Variants in LHFPL2 observed in about 807,000 individuals in gnomAD.
LHFPL2 encodes LHFPL tetraspan subfamily member 2, also known as LHFPL tetraspan subfamily member 2 protein.
A neutral mutation model predicts 17.5 loss-of-function variants in LHFPL2; 7 were observed. The ratio of observed to expected loss-of-function variants is 0.40; its 90% CI spans 0.23 to 0.75. The LOEUF (loss-of-function observed/expected upper bound fraction) is 0.75. Ranked by LOEUF, LHFPL2 falls within the 30% of genes least tolerant of loss-of-function variation. The pLI, the probability that LHFPL2 is intolerant of heterozygous loss-of-function variation, is 0.37. For synonymous variants in LHFPL2, 134 were observed against 116.2 expected, an observed-to-expected ratio of 1.15 and a Z score of -0.99; for missense variants, 241 against 294.8, an observed-to-expected ratio of 0.82 and a Z score of 1.34.
intron 1 of LHFPL2, among the ~76,000 whole-genome samples, chr5:78,643,802 T>C (rs1745761928): frequency 6.6e-6 from 1 of 152,236 alleles, no homozygotes; most frequent in African/African-American, 2.4e-5. Flanking sequence ...GGCTCACGCC[T>C]GTAATCTCAG....
intron 2 of LHFPL2, among the ~76,000 whole-genome samples, chr5:78,582,123 G>T (rs1295386828): frequency 6.6e-6 from 1 of 152,204 alleles, no homozygotes; most frequent in Non-Finnish European, 1.5e-5. Context: ...ATTTCTGTGG[G>T]ATCAGTGGTG....
intron 3 of LHFPL2, among the ~76,000 whole-genome samples, chr5:78,540,914 C>T (rs1756093211): frequency 6.6e-6 from 1 of 152,138 alleles, no homozygotes; most frequent in African/African-American, 2.4e-5. Flanking sequence ...AACCAGGAAG[C>T]CCCAATGTCT....
chr5:78,576,535 G>C (rs1157597238), intron 2 of LHFPL2, among the ~76,000 whole-genome samples: 2 of 152,158 alleles, frequency 1.3e-5, no homozygotes, highest in African/African-American at 4.8e-5. Context: ...GGCAGTGGAG[G>C]GAGGGAAACT....
chr5:78,603,056 A>G (rs968699212), intron 2 of LHFPL2, among the ~76,000 whole-genome samples: 3 of 151,864 alleles, frequency 2.0e-5, no homozygotes, highest in Admixed American at 6.6e-5. Flanking sequence ...ACACCCAGCT[A>G]ATTTTTGTAT....
chr5:78,492,771 T>C (rs1026025870), intron 4 of LHFPL2, among the ~76,000 whole-genome samples: 8 of 152,246 alleles, frequency 5.3e-5, no homozygotes, highest in Non-Finnish European at 8.8e-5. Flanking sequence ...GGAAAGTCCA[T>C]GTGACAGAGT....
chr5:78,617,336 T>C (rs1744657591), intron 2 of LHFPL2, among the ~76,000 whole-genome samples: 1 of 152,172 alleles, frequency 6.6e-6, no homozygotes, highest in Non-Finnish European at 1.5e-5. Context: ...AGCCTAGAGT[T>C]CCTTAAAAGG....
At chr5:78,604,101 TATA>T (rs1744125763) in intron 2 of LHFPL2, among the ~76,000 whole-genome samples, 1 of 152,142 alleles carries the variant, frequency 6.6e-6, no homozygotes, top group Non-Finnish European at 1.5e-5. Context: ...AATGTAAAAT[TATA>T]ATAACACTAA....
chr5:78,645,567 C>T (rs1029151413), intron 1 of LHFPL2, among the ~76,000 whole-genome samples: 3 of 151,432 alleles, frequency 2.0e-5, no homozygotes, highest in Admixed American at 6.6e-5. Context: ...CACACACACA[C>T]ACACACACAC....
chr5:78,628,703 C>T (rs1173866582), intron 2 of LHFPL2, among the ~76,000 whole-genome samples: 1 of 152,210 alleles, frequency 6.6e-6, no homozygotes, highest in Non-Finnish European at 1.5e-5. Flanking sequence ...GCACTTTGAA[C>T]CCGGGAACAA....
At chr5:78,493,237 G>A (rs1050357552) in intron 4 of LHFPL2, among the ~76,000 whole-genome samples, 3 of 152,188 alleles carry the variant, frequency 2.0e-5, no homozygotes, top group African/African-American at 7.2e-5. Flanking sequence ...GAGGTCCACA[G>A]TGGGAAGCAA....
intron 2 of LHFPL2, among the ~76,000 whole-genome samples, chr5:78,611,649 C>T (rs1744426022): frequency 6.6e-6 from 1 of 152,148 alleles, no homozygotes; most frequent in African/African-American, 2.4e-5. Flanking sequence ...TGACACCAGC[C>T]TAGGGAGTCT....
intron 2 of LHFPL2, among the ~76,000 whole-genome samples, chr5:78,606,985 C>G (rs373608412): frequency 1.3e-5 from 2 of 151,986 alleles, no homozygotes; most frequent in East Asian, 1.9e-4. Flanking sequence ...AGCCATCCCC[C>G]CTTGCAAGTC....
chr5:78,497,911 C>G (rs2112299486), intron 4 of LHFPL2, among the ~76,000 whole-genome samples: 1 of 152,346 alleles, frequency 6.6e-6, no homozygotes, highest in Admixed American at 6.5e-5. Flanking sequence ...CAGCCTGAGT[C>G]TAGGCTCAGA....
intron 2 of LHFPL2, among the ~76,000 whole-genome samples, chr5:78,587,469 C>T (rs972212915): frequency 3.9e-5 from 6 of 152,218 alleles, no homozygotes; most frequent in Admixed American, 3.9e-4. Flanking sequence ...GCATCCCACA[C>T]CTCCTGGACA....
intron 2 of LHFPL2, among the ~76,000 whole-genome samples, chr5:78,604,739 G>A (rs1440250133): frequency 3.3e-5 from 5 of 152,136 alleles, no homozygotes; most frequent in South Asian, 2.1e-4. Flanking sequence ...GCTTCTTGAC[G>A]GCTGGCTTTA....
rs73138137 is a variant in LHFPL2 at position 78,498,154 on chromosome 5, C to T, written c.431-9001G>A. Among the ~76,000 whole-genome samples, 977 of 152,216 alleles carry T rather than the reference C, an allele frequency of 6.4e-3. 14 individuals carry two copies. Among genetic ancestry groups the T allele is most frequent in the African/African-American group, 0.022 (900 of 41,530 alleles). On this transcript the variant is annotated intron_variant, in intron 4 of 4. Transcript: ENST00000380345. The stretch of plus-strand genomic sequence containing the variant: ...ATATTAGCAGTGTGAGCCTGGAGAA[C>T]GGAAAACACCACTGCGAAGGTACCA...
intron 3 of LHFPL2, among the ~76,000 whole-genome samples, chr5:78,532,469 T>C (rs536330788): frequency 1.3e-5 from 2 of 152,266 alleles, no homozygotes; most frequent in Admixed American, 6.5e-5. Flanking sequence ...TCCTGTGCTA[T>C]TGATGATGAA....
chr5:78,602,065 T>C (rs1214083940), intron 2 of LHFPL2, among the ~76,000 whole-genome samples: 1 of 152,198 alleles, frequency 6.6e-6, no homozygotes. Context: ...TCATGAAATA[T>C]GGTACTACTT....
chr5:78,542,469 C>A (rs1462034683), intron 3 of LHFPL2, among the ~76,000 whole-genome samples: 1 of 152,210 alleles, frequency 6.6e-6, no homozygotes, highest in Non-Finnish European at 1.5e-5. Flanking sequence ...GCTCTGCTTG[C>A]ATCCCGGGGG....
Sources: gnomAD v4.1 joint callset for allele counts (sites outside exome capture counted in the v4.1 genomes callset) on GRCh38, gnomAD v4.1.1 for gene constraint, MANE v1.5 for transcripts, NCBI Gene and HGNC (gene_info 2026-07-23, HGNC 2026-07-21) for gene names.